The following ATRNL1 variants were observed in gnomAD, a reference collection of about 807,000 sequenced individuals.
ATRNL1 encodes attractin like 1, also known as attractin-like protein 1.
In ATRNL1, 95 loss-of-function variants were observed where a neutral mutation model predicts 182.7. The ratio of observed to expected loss-of-function variants is 0.52; its 90% CI spans 0.44 to 0.62. ATRNL1 has a LOEUF of 0.62. ATRNL1 is among the 20% of genes least tolerant of loss of function. The pLI is 0.00. For synonymous variants in ATRNL1, 576 were observed against 568.3 expected, an observed-to-expected ratio of 1.01 and a Z score of -0.19; for missense variants, 1,471 against 1,679.5, an observed-to-expected ratio of 0.88 and a Z score of 2.17.
chr10:115,826,467 G>A (rs1950434385), intron 27 of ATRNL1, among the ~76,000 whole-genome samples: 2 of 152,046 alleles, frequency 1.3e-5, no homozygotes, highest in South Asian at 4.1e-4. Flanking sequence ...GTGGCACCCA[G>A]CAGCTTTTTC....
chr10:115,800,587 C>T (rs2134234032), intron 27 of ATRNL1, among the ~76,000 whole-genome samples: 1 of 152,256 alleles, frequency 6.6e-6, no homozygotes, highest in East Asian at 1.9e-4. Context: ...CCCTGCTTAT[C>T]TCCTGCACCA....
intron 28 of ATRNL1, among the ~76,000 whole-genome samples, chr10:115,906,100 A>T: frequency 6.6e-6 from 1 of 152,228 alleles, no homozygotes; most frequent in East Asian, 1.9e-4. Flanking sequence ...ATTCTATGTT[A>T]ATCACTATAC....
chr10:115,370,537 A>G (rs1307414766), intron 19 of ATRNL1, among the ~76,000 whole-genome samples: 2 of 152,232 alleles, frequency 1.3e-5, no homozygotes, highest in Non-Finnish European at 2.9e-5. Context: ...GTTTTAGCAA[A>G]GAGACTGGCG....
At chr10:115,915,315 A>G (rs1206172104) in intron 28 of ATRNL1, among the ~76,000 whole-genome samples, 3 of 151,944 alleles carry the variant, frequency 2.0e-5, no homozygotes, top group Non-Finnish European at 4.4e-5. Flanking sequence ...GGAGAATGGC[A>G]TGAACCTGGG....
chr10:115,579,194 C>CTAT (rs1489333362), intron 26 of ATRNL1, among the ~76,000 whole-genome samples: 4 of 151,652 alleles, frequency 2.6e-5, no homozygotes, highest in African/African-American at 9.7e-5. Flanking sequence ...ATAGAATGTT[C>CTAT]TATATATGTT....
chr10:115,848,659 G>C (rs1950985373), intron 28 of ATRNL1, among the ~76,000 whole-genome samples: 1 of 152,142 alleles, frequency 6.6e-6, no homozygotes, highest in African/African-American at 2.4e-5. Flanking sequence ...CGATGGTGTT[G>C]TCCACATTCT....
At chr10:115,708,692 A>T (rs117477917) in intron 26 of ATRNL1, among the ~76,000 whole-genome samples, 2,469 of 151,832 alleles carry the variant, frequency 0.016, 33 homozygotes, top group Non-Finnish European at 0.024. Flanking sequence ...AGTCAGCAGT[A>T]TACAGTAAAT....
intron 3 of ATRNL1, among the ~76,000 whole-genome samples, chr10:115,126,160 C>T (rs1276072435): frequency 1.3e-5 from 2 of 152,148 alleles, no homozygotes; most frequent in Non-Finnish European, 2.9e-5. Flanking sequence ...CAGGTTCAAG[C>T]GATTCTCCTG....
chr10:115,741,194 T>A (rs1555067581), intron 27 of ATRNL1, among the ~76,000 whole-genome samples: 2 of 152,146 alleles, frequency 1.3e-5, no homozygotes, highest in Non-Finnish European at 2.9e-5. Context: ...TAAAAATATG[T>A]TATTAATGCC....
rs1264769 is a variant in ATRNL1 at position 115,205,053 on chromosome 10, C to T, written c.1349-10644C>T. Among the ~76,000 whole-genome samples the T allele has an allele frequency of 3.3e-3, 499 of 152,138 alleles. 7 individuals carry two copies. Among genetic ancestry groups the T allele is most frequent in the African/African-American group, 0.012 (492 of 41,560 alleles). ...ACTTTTATGCCAACTCTACCCCTCA[C>T]ATTTTATGTTTTTGGTGTGACGATT... is the stretch of plus-strand genomic sequence containing the variant. On this transcript the variant is annotated intron_variant, in intron 8 of 28. Transcript: ENST00000355044.
intron 1 of ATRNL1, among the ~76,000 whole-genome samples, chr10:115,100,605 T>A (rs1592097688): frequency 1.3e-5 from 2 of 152,336 alleles, no homozygotes; most frequent in East Asian, 3.9e-4. Flanking sequence ...TTTCTTGATC[T>A]CTTTGTCTAT....
intron 26 of ATRNL1, among the ~76,000 whole-genome samples, chr10:115,600,929 C>CTTTTTTTT (rs58476140): frequency 2.3e-5 from 3 of 129,856 alleles, no homozygotes; most frequent in Non-Finnish European, 5.0e-5. Flanking sequence ...TTTTTATTTT[C>CTTTTTTTT]TTTTTTTTTT....
Position 115,121,744 on chromosome 10 carries a change from A to T in ATRNL1, c.423A>T (p.Glu141Asp). ...TAAGATTCAATCATTTTGCTACAGA[A>T]TGTAGCTGGGATCATATGTATGTTT... is the stretch of plus-strand genomic sequence containing the variant. ...LRLRFNHFATECSWDHMYVYD... is the reference protein window; with the variant it reads ...LRLRFNHFATDCSWDHMYVYD... The change falls in exon 3 of 29, where the codon GAA becomes GAT. Residue 141 changes from glutamate (E) to aspartate (D), a missense_variant. Coordinates refer to ENST00000355044, the MANE Select transcript of ATRNL1 (RefSeq NM_207303.4). 1 of 1,579,382 alleles carries T rather than the reference A, an allele frequency of 6.3e-7. No individual in the cohort carries two copies. Among genetic ancestry groups the T allele is most frequent in the Non-Finnish European group, 8.6e-7 (1 of 1,160,718 alleles).
intron 28 of ATRNL1, among the ~76,000 whole-genome samples, chr10:115,944,344 G>A (rs782694152): frequency 2.0e-5 from 3 of 150,408 alleles, no homozygotes; most frequent in Non-Finnish European, 4.4e-5. Flanking sequence ...CAGCAAACTC[G>A]TGTTCAGACA....
At chr10:115,655,238 G>C (rs958234692) in intron 26 of ATRNL1, among the ~76,000 whole-genome samples, 51 of 152,226 alleles carry the variant, frequency 3.4e-4, no homozygotes, top group African/African-American at 1.2e-3. Context: ...CGTTGGTTAA[G>C]CCATTGATAA....
intron 19 of ATRNL1, among the ~76,000 whole-genome samples, chr10:115,393,992 A>G (rs1206503313): frequency 6.6e-6 from 1 of 152,082 alleles, no homozygotes; most frequent in Non-Finnish European, 1.5e-5. Flanking sequence ...AGGATACTCT[A>G]AAAGGATGAG....
chr10:115,710,903 TG>T (rs1234079455), intron 26 of ATRNL1, among the ~76,000 whole-genome samples: 2 of 152,126 alleles, frequency 1.3e-5, no homozygotes, highest in Non-Finnish European at 2.9e-5. Context: ...TTTCTTTTTT[TG>T]TTAGGATAAC....
rs34290684 is a variant in ATRNL1, at chr10:115,190,256, G to GT, written c.1348+18972dup. On this transcript the variant is annotated intron_variant, in intron 8 of 28. Coordinates refer to ENST00000355044, the MANE Select transcript of ATRNL1 (RefSeq NM_207303.4). ...AAATGCTACTGTTAAAATTGTATAC[G>GT]TTTTTTTTACTTACTAAATGTTTTT... Among the ~76,000 whole-genome samples the GT allele has an allele frequency of 6.3e-3, 941 of 148,936 alleles. 7 individuals carry two copies. Among genetic ancestry groups the GT allele is most frequent in the African/African-American group, 0.019 (753 of 39,726 alleles).
At chr10:115,376,843 T>C (rs114159362) in intron 19 of ATRNL1, among the ~76,000 whole-genome samples, 1,966 of 152,292 alleles carry the variant, frequency 0.013, 37 homozygotes, top group African/African-American at 0.044. Flanking sequence ...GATCCCATAA[T>C]TCATATGTTT....
Sources: gnomAD v4.1 joint callset for allele counts (sites outside exome capture counted in the v4.1 genomes callset) on GRCh38, gnomAD v4.1.1 for gene constraint, MANE v1.5 for transcripts, NCBI Gene and HGNC (gene_info 2026-07-23, HGNC 2026-07-21) for gene names.